Variants in CRY1 observed in about 807,000 individuals in gnomAD.
CRY1 encodes the protein cryptochrome-1.
CRY1 carries 45 observed loss-of-function variants against 76.0 expected under a neutral mutation model. The ratio of observed to expected loss-of-function variants is 0.59; its 90% CI spans 0.47 to 0.76. The LOEUF (loss-of-function observed/expected upper bound fraction) is 0.76. Among genes scored for constraint, CRY1 ranks in the 30% least tolerant of loss-of-function variants. The pLI is 0.00. For synonymous variants in CRY1, 248 were observed against 244.0 expected, an observed-to-expected ratio of 1.02 and a Z score of -0.15; for missense variants, 587 against 716.4, an observed-to-expected ratio of 0.82 and a Z score of 2.06.
At chr12:107,021,020 A>C (rs1952550941) in intron 2 of CRY1, among the ~76,000 whole-genome samples, 1 of 152,214 alleles carries the variant, frequency 6.6e-6, no homozygotes, top group African/African-American at 2.4e-5. Flanking sequence ...GCAGTGGCTC[A>C]CACCTTTAAT....
chr12:107,050,355 G>GT (rs1952904261), intron 1 of CRY1: 1 of 152,246 alleles, frequency 6.6e-6, no homozygotes, highest in Admixed American at 6.5e-5. Context: ...GTGACCTCCA[G>GT]TATTGGAGGT....
chr12:107,032,421 A>G (rs1952687198), intron 1 of CRY1, among the ~76,000 whole-genome samples: 1 of 152,160 alleles, frequency 6.6e-6, no homozygotes, highest in East Asian at 1.9e-4. Flanking sequence ...ACGCAAATTC[A>G]TGGAAACTAT....
chr12:106,997,242 T>G, intron 10 of CRY1, 52 bp downstream of exon 10: 1 of 1,415,900 alleles, frequency 7.1e-7, no homozygotes, highest in African/African-American at 1.4e-5. Context: ...CAAATATATT[T>G]GTTTAATAAC....
chr12:107,050,973 A>C (rs1481968939), intron 1 of CRY1, among the ~76,000 whole-genome samples: 1 of 152,210 alleles, frequency 6.6e-6, no homozygotes, highest in East Asian at 1.9e-4. Context: ...TGAGAGCTCT[A>C]GAAAAAAGAA....
intron 1 of CRY1, among the ~76,000 whole-genome samples, chr12:107,051,515 T>G (rs929114005): frequency 6.6e-6 from 1 of 152,140 alleles, no homozygotes; most frequent in East Asian, 1.9e-4. Context: ...ATTCCCATCC[T>G]TGAAGCCTCC....
At chr12:107,013,367 T>A (rs1952465522) in intron 2 of CRY1, among the ~76,000 whole-genome samples, 1 of 152,248 alleles carries the variant, frequency 6.6e-6, no homozygotes, top group African/African-American at 2.4e-5. Context: ...AGCATTTTTT[T>A]AGCAACAAAA....
At chr12:107,011,588 T>C (rs758955907) in intron 2 of CRY1, among the ~76,000 whole-genome samples, 8 of 152,150 alleles carry the variant, frequency 5.3e-5, no homozygotes, top group African/African-American at 7.2e-5. Flanking sequence ...CCTTAAAGCA[T>C]AGTCCTAATC....
Position 107,042,571 on chromosome 12 carries a change from C to T in CRY1, c.159-20379G>A, listed in dbSNP as rs114277016. On this transcript the variant is annotated intron_variant, in intron 1 of 12. Coordinates refer to ENST00000008527, the MANE Select transcript of CRY1 (RefSeq NM_004075.5). ...TAAAATCAAATTGAGGAGCAGTCTACAAAATACTTCGCCAGGTAATGATAT... is the reference window on the plus strand; with the variant it reads ...TAAAATCAAATTGAGGAGCAGTCTATAAAATACTTCGCCAGGTAATGATAT... Among the ~76,000 whole-genome samples the T allele has an allele frequency of 7.6e-3, 1,145 of 150,036 alleles. 19 individuals are homozygous for T. Among genetic ancestry groups the T allele is most frequent in the African/African-American group, 0.025 (1,014 of 40,868 alleles).
chr12:107,049,208 T>C (rs538482012), intron 1 of CRY1, among the ~76,000 whole-genome samples: 1 of 152,326 alleles, frequency 6.6e-6, no homozygotes, highest in South Asian at 2.1e-4. Context: ...TCCATTTTTT[T>C]CCCTTTCAGC....
chr12:107,083,141 G>C (rs147636345), intron 1 of CRY1, among the ~76,000 whole-genome samples: 1 of 152,218 alleles, frequency 6.6e-6, no homozygotes, highest in African/African-American at 2.4e-5. Context: ...GACTAAACCA[G>C]GAAGAAGTCA....
At chr12:107,063,202 G>A in intron 1 of CRY1, among the ~76,000 whole-genome samples, 1 of 152,140 alleles carries the variant, frequency 6.6e-6, no homozygotes, top group Non-Finnish European at 1.5e-5. Context: ...CAGACTTAAA[G>A]CTGTTTTAGA....
intron 1 of CRY1, among the ~76,000 whole-genome samples, chr12:107,075,050 T>C (rs1026602632): frequency 1.3e-5 from 2 of 151,744 alleles, no homozygotes; most frequent in African/African-American, 4.8e-5. Context: ...AAACAAAAAC[T>C]ACTAGTGATC....
chr12:107,041,645 G>A (rs1035827093), intron 1 of CRY1, among the ~76,000 whole-genome samples: 1 of 152,088 alleles, frequency 6.6e-6, no homozygotes, highest in Non-Finnish European at 1.5e-5. Flanking sequence ...AGGCTTTACA[G>A]GATTAATATG....
intron 1 of CRY1, among the ~76,000 whole-genome samples, chr12:107,081,133 A>G (rs1953320122): frequency 6.6e-6 from 1 of 152,134 alleles, no homozygotes; most frequent in Non-Finnish European, 1.5e-5. Context: ...ACTAGTAAGG[A>G]TGTAGGCACA....
intron 2 of CRY1, among the ~76,000 whole-genome samples, chr12:107,014,277 T>C (rs1029478531): frequency 2.0e-5 from 3 of 152,146 alleles, no homozygotes; most frequent in Non-Finnish European, 4.4e-5. Context: ...CATAGAAACT[T>C]ATCAGAGGGT....
intron 2 of CRY1, among the ~76,000 whole-genome samples, chr12:107,020,987 T>A (rs1034469706): frequency 7.9e-5 from 12 of 152,154 alleles, no homozygotes; most frequent in African/African-American, 2.9e-4. Flanking sequence ...CTAAGTTTTT[T>A]AAAAAGCACT....
intron 1 of CRY1, among the ~76,000 whole-genome samples, chr12:107,044,779 AAG>A (rs747095020): frequency 1.3e-5 from 2 of 152,240 alleles, no homozygotes; most frequent in Admixed American, 6.5e-5. Context: ...ATCAAAAAGA[AAG>A]AATCTCTGAA....
rs576819079 is a variant in CRY1 at position 107,010,615 on chromosome 12, T to TC, written c.268-5368dup. On this transcript the variant is annotated intron_variant, in intron 2 of 12. Transcript: ENST00000008527. ...TGTTATGATGACCTGTGATCTCTTCTCTTTTTTTTTAAGAGACGTGGTTTC... is the reference window on the plus strand; with the variant it reads ...TGTTATGATGACCTGTGATCTCTTCTCCTTTTTTTTTAAGAGACGTGGTTTC... Among the ~76,000 whole-genome samples, 273 of 152,198 alleles carry TC rather than the reference T, an allele frequency of 1.8e-3. 1 individual carries two copies. The highest frequency in any genetic ancestry group is 3.3e-3 in the South Asian group (16 of 4,814).
At chr12:107,070,914 C>T (rs1387761865) in intron 1 of CRY1, among the ~76,000 whole-genome samples, 1 of 150,206 alleles carries the variant, frequency 6.7e-6, no homozygotes, top group Non-Finnish European at 1.5e-5. Flanking sequence ...CCGTGCTAAC[C>T]AGGATGATCT....
Sources: gnomAD v4.1 joint callset for allele counts (sites outside exome capture counted in the v4.1 genomes callset) on GRCh38, gnomAD v4.1.1 for gene constraint, MANE v1.5 for transcripts, NCBI Gene and HGNC (gene_info 2026-07-23, HGNC 2026-07-21) for gene names.